SOAT1: variants seen among roughly 807,000 people sequenced by gnomAD.
SOAT1 encodes acyl-coenzyme A:cholesterol acyltransferase 1.
In SOAT1, 55 loss-of-function variants were observed where a neutral mutation model predicts 69.5. That is an observed-to-expected ratio of 0.79 (90% CI 0.64 to 0.99). SOAT1 has a LOEUF of 0.99. SOAT1 is among the 50% of genes least tolerant of loss of function. The probability of loss-of-function intolerance (pLI) is 0.00; values close to 1 mark genes in which losing one functional copy is unlikely to be tolerated. For synonymous variants in SOAT1, 231 were observed against 224.7 expected (o/e 1.03, Z -0.25); for missense variants, 580 against 669.3 (o/e 0.87, Z 1.47).
rs1666967564 is a variant in SOAT1 at position 179,358,150 on chromosome 1, C to A, written c.*4509C>A. ...CTTATATGTTTTTGGTAAAAAAAGA[C>A]TTTAATAGCTAATTTGGACTTCAGA... On this transcript the variant is annotated 3_prime_UTR_variant, in exon 16 of 16. Transcript: ENST00000367619. 1 of 152,156 alleles carries A rather than the reference C, an allele frequency of 6.6e-6. No individual in the cohort carries two copies. The highest frequency in any genetic ancestry group is 2.4e-5 in the African/African-American group (1 of 41,436). 9.4% of individuals were successfully genotyped at this position (152,156 alleles called of 1,614,324 possible).
chr1:179,305,288 C>T (rs952685650), intron 2 of SOAT1, among the ~76,000 whole-genome samples: 2 of 152,146 alleles, frequency 1.3e-5, no homozygotes, highest in Non-Finnish European at 2.9e-5. Context: ...GCTCTGCTGT[C>T]CAGGCTGGAG....
At chr1:179,296,934 G>T (rs930415077) in intron 1 of SOAT1, among the ~76,000 whole-genome samples, 1 of 152,130 alleles carries the variant, frequency 6.6e-6, no homozygotes, top group African/African-American at 2.4e-5. Context: ...ATGTAATTGC[G>T]TGCACAGATT....
intron 4 of SOAT1, among the ~76,000 whole-genome samples, chr1:179,337,621 G>C (rs1285266054): frequency 2.6e-5 from 4 of 152,260 alleles, no homozygotes; most frequent in African/African-American, 9.6e-5. Context: ...CTGCCTCACA[G>C]AGAGGGTAAA....
chr1:179,346,995 G>A (rs1666553953), intron 11 of SOAT1, among the ~76,000 whole-genome samples: 1 of 152,018 alleles, frequency 6.6e-6, no homozygotes, highest in Non-Finnish European at 1.5e-5. Context: ...TTAAGAGGGG[G>A]GTATGGGGGC....
chr1:179,304,244 G>A (rs927407230), intron 2 of SOAT1, among the ~76,000 whole-genome samples: 14 of 150,654 alleles, frequency 9.3e-5, no homozygotes, highest in African/African-American at 2.4e-4. Context: ...GTGAGCCACC[G>A]TGCCCAGCCT....
rs530286702 is a variant in SOAT1, at chr1:179,307,238, TAC to T, written c.118+4438_118+4439del. The stretch of plus-strand genomic sequence containing the variant: ...TTGGGTAAGACATTTCAAACATAGA[TAC>T]AGTTACAGTAGTTGAAGGAATGTCA... On this transcript the variant is annotated intron_variant, in intron 2 of 15. Coordinates refer to ENST00000367619, the MANE Select transcript of SOAT1 (RefSeq NM_003101.6). 3.3e-5 allele frequency among the ~76,000 whole-genome samples: 5 copies of T among 152,324 alleles called. No homozygotes were observed. In the East Asian group the frequency reaches 9.6e-4, roughly 29 times the overall value.
At position 179,318,620 on chromosome 1, in the gene SOAT1, A is replaced by G. The variant is rs144925103; in HGVS notation, c.119-4817A>G. Among the ~76,000 whole-genome samples the G allele has an allele frequency of 6.8e-3, 1,040 of 152,212 alleles. 19 individuals are homozygous for G. The highest frequency in any genetic ancestry group is 0.024 in the African/African-American group (997 of 41,540). On this transcript the variant is annotated intron_variant, in intron 2 of 15. Coordinates refer to ENST00000367619, the MANE Select transcript of SOAT1 (RefSeq NM_003101.6). The stretch of plus-strand genomic sequence containing the variant: ...CATTAGCAGTTATTCCCTTTTTGCC[A>G]TAACCCCGCGCCTCACTCTCTAGGC...
chr1:179,309,080 C>T (rs143655839), intron 2 of SOAT1, among the ~76,000 whole-genome samples: 7 of 152,202 alleles, frequency 4.6e-5, no homozygotes, highest in Admixed American at 2.0e-4. Context: ...ACTGGTATAC[C>T]TATAGGATAC....
At chr1:179,320,166 T>G (rs187611473) in intron 2 of SOAT1, among the ~76,000 whole-genome samples, 253 of 152,282 alleles carry the variant, frequency 1.7e-3, no homozygotes, top group Admixed American at 3.5e-3. Flanking sequence ...CCTGTTTTCT[T>G]CTATATTTTT....
intron 3 of SOAT1, among the ~76,000 whole-genome samples, chr1:179,331,464 A>G (rs1665971573): frequency 6.6e-6 from 1 of 152,208 alleles, no homozygotes; most frequent in Admixed American, 6.5e-5. Context: ...TTGGCCAGGC[A>G]CAGTGGCTCA....
intron 1 of SOAT1, among the ~76,000 whole-genome samples, chr1:179,299,861 C>T (rs1303364562): frequency 7.0e-6 from 1 of 142,974 alleles, no homozygotes; most frequent in Non-Finnish European, 1.5e-5. Flanking sequence ...TCATGCCATT[C>T]TCCTGCCTCA....
At position 179,350,303 on chromosome 1, in the gene SOAT1, C is replaced by G; in HGVS notation, c.1322C>G (p.Ser441Cys). The change falls in exon 14 of 16, where the codon TCC (serine) becomes TGC (cysteine). Residue 441 changes from serine (S) to cysteine (C), a missense_variant. Transcript: ENST00000367619. ...GTTTTCCTTTTTCTTTAGTTTTTCT[C>G]CAAGAGATTCAAATCTGCTGCCATG... The part of the protein sequence containing the change: ...YAYKDFLWFF[S>C]KRFKSAAMLA... 6.2e-7 allele frequency: 1 copy of G among 1,611,256 alleles called. No homozygotes were observed. Among genetic ancestry groups the G allele is most frequent in the Non-Finnish European group, 8.5e-7 (1 of 1,179,340 alleles).
At chr1:179,338,157 G>T (rs1288668663) in intron 5 of SOAT1, among the ~76,000 whole-genome samples, 2 of 152,144 alleles carry the variant, frequency 1.3e-5, no homozygotes, top group East Asian at 3.8e-4. Context: ...GGGAGGCTGA[G>T]ACAGGCAGAT....
At chr1:179,322,809 T>C (rs1202302652) in intron 2 of SOAT1, among the ~76,000 whole-genome samples, 3 of 152,174 alleles carry the variant, frequency 2.0e-5, no homozygotes, top group African/African-American at 7.2e-5. Flanking sequence ...TTCTTTCTTA[T>C]ACACTGAGGA....
Position 179,335,607 on chromosome 1 carries a change from T to G in SOAT1, c.279T>G (p.Ala93=). 1.2e-6 allele frequency: 2 copies of G among 1,614,014 alleles called. No homozygotes were observed. Among genetic ancestry groups the G allele is most frequent in the Non-Finnish European group, 1.7e-6 (2 of 1,179,926 alleles). ...CATCATTAGATAATGGTGGGTGCGCTCTCACAACCTTTTCTGTTCTTGAAG... is the reference window on the plus strand; with the variant it reads ...CATCATTAGATAATGGTGGGTGCGCGCTCACAACCTTTTCTGTTCTTGAAG... The part of the protein sequence containing the change: ...KSASLDNGGC[A]LTTFSVLEGE... Residue 93 remains alanine, a synonymous_variant, in exon 4 of 16, where the codon GCT becomes GCG. Transcript: ENST00000367619.
At position 179,339,508 on chromosome 1, in the gene SOAT1, C is replaced by G; in HGVS notation, c.460C>G (p.Leu154Val). The G allele has an allele frequency of 6.2e-7, 1 of 1,612,468 alleles. No individual in the cohort carries two copies. Among genetic ancestry groups the G allele is most frequent in the Non-Finnish European group, 8.5e-7 (1 of 1,179,162 alleles). The change falls in exon 6 of 16, where the codon CTC becomes GTC. Residue 154 changes from leucine (L) to valine (V), a missense_variant. Coordinates refer to ENST00000367619, the MANE Select transcript of SOAT1 (RefSeq NM_003101.6). Reference sequence around the variant, plus strand: ...TATTGCCCTCCTCATTCTCTTTATCCTCAGCACACTTGTAGTAGATTACAT... The same window carrying G: ...TATTGCCCTCCTCATTCTCTTTATCGTCAGCACACTTGTAGTAGATTACAT... ...MFIALLILFI[L>V]STLVVDYIDE...
intron 2 of SOAT1, among the ~76,000 whole-genome samples, chr1:179,306,352 A>G (rs1318655254): frequency 6.6e-6 from 1 of 152,184 alleles, no homozygotes; most frequent in Non-Finnish European, 1.5e-5. Flanking sequence ...GAAGCAAGTC[A>G]AAGGACTTGA....
intron 11 of SOAT1, among the ~76,000 whole-genome samples, chr1:179,346,885 A>G (rs1367417265): frequency 6.6e-6 from 1 of 151,944 alleles, no homozygotes; most frequent in Non-Finnish European, 1.5e-5. Context: ...AGCCTGGGCA[A>G]CATAGTGAAA....
Position 179,299,661 on chromosome 1 carries a change from G to T in SOAT1, c.-8-3016G>T, listed in dbSNP as rs989651807. On this transcript the variant is annotated intron_variant, in intron 1 of 15. Coordinates refer to ENST00000367619, the MANE Select transcript of SOAT1 (RefSeq NM_003101.6). ...ATCAGCTGTTATTATTCTACTTTGAGAAATATTGCATTGTGCTATACTGTT... is the reference window on the plus strand; with the variant it reads ...ATCAGCTGTTATTATTCTACTTTGATAAATATTGCATTGTGCTATACTGTT... 2.0e-5 allele frequency among the ~76,000 whole-genome samples: 3 copies of T among 149,758 alleles called. No individual in the cohort carries two copies. The South Asian group carries it at 6.4e-4, about 32-fold the overall frequency.
Sources: gnomAD v4.1 joint callset for allele counts (sites outside exome capture counted in the v4.1 genomes callset) on GRCh38, gnomAD v4.1.1 for gene constraint, MANE v1.5 for transcripts, NCBI Gene and HGNC (gene_info 2026-07-23, HGNC 2026-07-21) for gene names.